Variants in TNFSF8 observed in about 807,000 individuals in gnomAD.
TNFSF8 encodes the protein TNF superfamily member 8, also known as tumor necrosis factor ligand superfamily member 8.
In TNFSF8, 4 loss-of-function variants were observed where a neutral mutation model predicts 22.0. The ratio of observed to expected loss-of-function variants is 0.18; its 90% CI spans 0.09 to 0.42. The LOEUF (loss-of-function observed/expected upper bound fraction) is 0.42, where lower values mean the gene tolerates loss of function less well. Ranked by LOEUF, TNFSF8 falls within the 10% of genes least tolerant of loss-of-function variation. The probability of loss-of-function intolerance (pLI) is 1.00; values close to 1 mark genes in which losing one functional copy is unlikely to be tolerated. For synonymous variants in TNFSF8, 106 were observed against 112.5 expected, an observed-to-expected ratio of 0.94 and a Z score of 0.37; for missense variants, 233 against 281.8, an observed-to-expected ratio of 0.83 and a Z score of 1.24.
intron 1 of TNFSF8, among the ~76,000 whole-genome samples, chr9:114,922,899 C>T (rs1441115413): frequency 1.3e-5 from 2 of 152,068 alleles, no homozygotes; most frequent in African/African-American, 4.8e-5. Context: ...TTTTGATGAG[C>T]ATCCAGGTGA....
intron 2 of TNFSF8, among the ~76,000 whole-genome samples, chr9:114,907,893 C>G (rs757630569): frequency 7.9e-5 from 12 of 152,208 alleles, no homozygotes; most frequent in Non-Finnish European, 1.3e-4. Context: ...CACATTCACA[C>G]AGGTAGTCAG....
At position 114,901,649 on chromosome 9, in the gene TNFSF8, T is replaced by C. The variant is rs944512613; in HGVS notation, c.*2282A>G. 15 of 985,414 alleles carry C rather than the reference T, an allele frequency of 1.5e-5. No individual in the cohort carries two copies. Among genetic ancestry groups the C allele is most frequent in the Non-Finnish European group, 1.8e-5 (15 of 829,914 alleles). The allele number at this position is 985,414 out of a possible 1,614,324, so 61.0% of individuals were successfully genotyped here. On this transcript the variant is annotated 3_prime_UTR_variant, in exon 4 of 4. Coordinates refer to ENST00000223795, the MANE Select transcript of TNFSF8 (RefSeq NM_001244.4). ...GACTCAAATGCCAGCCATTTCCCTGTTTTTTTAGCCTTGAGTCTCAAAGTC... is the reference window on the plus strand; with the variant it reads ...GACTCAAATGCCAGCCATTTCCCTGCTTTTTTAGCCTTGAGTCTCAAAGTC...
intron 3 of TNFSF8, among the ~76,000 whole-genome samples, chr9:114,905,215 T>C (rs1353253589): frequency 4.6e-5 from 7 of 152,202 alleles, no homozygotes; most frequent in Non-Finnish European, 1.0e-4. Flanking sequence ...AACTGCAAAA[T>C]TGAATTTTTA....
At position 114,902,930 on chromosome 9, in the gene TNFSF8, G is replaced by T; in HGVS notation, c.*1001C>A. 1 of 207,960 alleles carries T rather than the reference G, an allele frequency of 4.8e-6. No individual in the cohort carries two copies. 12.9% of individuals were successfully genotyped at this position (207,960 alleles called of 1,614,324 possible). A position where few individuals can be genotyped will look rare whatever the true frequency, so the allele number is the denominator to read the frequency against. ...CCAGAAGCCGGGCTTAGTCACCCTTGATATGGGTTTCTGGTTCTATACCAC... is the reference window on the plus strand; with the variant it reads ...CCAGAAGCCGGGCTTAGTCACCCTTTATATGGGTTTCTGGTTCTATACCAC... On this transcript the variant is annotated 3_prime_UTR_variant, in exon 4 of 4. Coordinates refer to ENST00000223795, the MANE Select transcript of TNFSF8 (RefSeq NM_001244.4).
At chr9:114,922,943 A>G (rs1828007328) in intron 1 of TNFSF8, among the ~76,000 whole-genome samples, 1 of 152,090 alleles carries the variant, frequency 6.6e-6, no homozygotes, top group Admixed American at 6.5e-5. Context: ...CCACACCTTG[A>G]GTAGCAAAGT....
intron 2 of TNFSF8, among the ~76,000 whole-genome samples, chr9:114,910,963 A>G (rs1269555524): frequency 1.3e-5 from 2 of 152,212 alleles, no homozygotes; most frequent in Non-Finnish European, 2.9e-5. Context: ...GAGAATTAAA[A>G]CAATCAACCT....
chr9:114,916,876 G>A (rs1279388274), intron 2 of TNFSF8, among the ~76,000 whole-genome samples: 3 of 152,172 alleles, frequency 2.0e-5, no homozygotes, highest in Non-Finnish European at 4.4e-5. Context: ...GCTTACCCCT[G>A]CATTCTACTA....
Position 114,918,207 on chromosome 9 carries a change from T to G in TNFSF8, c.196-69A>C. 8.3e-6 allele frequency: 12 copies of G among 1,448,162 alleles called. No individual in the cohort carries two copies. The South Asian group carries it at 1.0e-4, about 13-fold the overall frequency. The allele number at this position is 1,448,162 out of a possible 1,614,324, so 89.7% of individuals were successfully genotyped here. A position where few individuals can be genotyped will look rare whatever the true frequency, so the allele number is the denominator to read the frequency against. The stretch of plus-strand genomic sequence containing the variant: ...AGTTGAAACAACTTTTTTTTTTCTT[T>G]TTCATTTTGTTGTCCTTAAAGTACT... On this transcript the variant is annotated intron_variant, in intron 1 of 3. Transcript: ENST00000223795.
chr9:114,894,048 A>G, exon 5 of TNFSF8: 1 of 1,514,342 alleles, frequency 6.6e-7, no homozygotes, highest in East Asian at 2.5e-5. Flanking sequence ...GGGTAGAAGC[A>G]GTTCTTGTCT....
At chr9:114,929,061 C>T (rs1030797417) in intron 1 of TNFSF8, among the ~76,000 whole-genome samples, 4 of 152,144 alleles carry the variant, frequency 2.6e-5, no homozygotes, top group African/African-American at 7.2e-5. Flanking sequence ...TTAAATTACC[C>T]ATTAACAACT....
chr9:114,917,992 G>T, intron 2 of TNFSF8, 104 bp downstream of exon 2: 2 of 1,179,560 alleles, frequency 1.7e-6, no homozygotes, highest in South Asian at 1.6e-5. Context: ...CTTTACTGTT[G>T]GGTCATGTCA....
chr9:114,928,253 C>G (rs1828087736), intron 1 of TNFSF8, among the ~76,000 whole-genome samples: 1 of 152,144 alleles, frequency 6.6e-6, no homozygotes, highest in Non-Finnish European at 1.5e-5. Flanking sequence ...TGCAATGTTT[C>G]TTAGTGCTTC....
Position 114,903,067 on chromosome 9 carries a change from TGA to T in TNFSF8, c.*862_*863del, listed in dbSNP as rs1310622569. The T allele has an allele frequency of 1.3e-5, 2 of 152,268 alleles. No homozygotes were observed. The highest frequency in any genetic ancestry group is 4.8e-5 in the African/African-American group (2 of 41,450). 9.4% of individuals were successfully genotyped at this position (152,268 alleles called of 1,614,324 possible). A position where few individuals can be genotyped will look rare whatever the true frequency, so the allele number is the denominator to read the frequency against. On this transcript the variant is annotated 3_prime_UTR_variant, in exon 4 of 4. Coordinates refer to ENST00000223795, the MANE Select transcript of TNFSF8 (RefSeq NM_001244.4). Reference sequence around the variant, plus strand: ...ACCATTCAGGCATTTGCCAGTGAATTGAGAGTGACCACACCCTATTTCTTTAC... The same window carrying T: ...ACCATTCAGGCATTTGCCAGTGAATTGAGTGACCACACCCTATTTCTTTAC...
intron 2 of TNFSF8, among the ~76,000 whole-genome samples, chr9:114,915,317 A>C (rs1477310438): frequency 6.6e-6 from 1 of 152,132 alleles, no homozygotes; most frequent in African/African-American, 2.4e-5. Flanking sequence ...AAAGGGTCAA[A>C]GCTGGAGAGA....
At chr9:114,910,243 A>T (rs1405071332) in intron 2 of TNFSF8, among the ~76,000 whole-genome samples, 1 of 152,220 alleles carries the variant, frequency 6.6e-6, no homozygotes, top group Non-Finnish European at 1.5e-5. Flanking sequence ...AGATAGAAAG[A>T]GAGGTTGCTC....
Position 114,905,910 on chromosome 9 carries a change from G to A in TNFSF8, c.239-11C>T. 1 of 1,594,556 alleles carries A rather than the reference G, an allele frequency of 6.3e-7. No individual in the cohort carries two copies. Among genetic ancestry groups the A allele is most frequent in the Non-Finnish European group, 8.6e-7 (1 of 1,163,070 alleles). On this transcript the variant is annotated splice_polypyrimidine_tract_variant and intron_variant, in intron 2 of 3. Transcript: ENST00000223795. ...CTTCTGAGCAATTTCCTAAAAATAA[G>A]GAGACGATGCATTAAAATGTCTTTT...
At chr9:114,914,332 C>T (rs1827891098) in intron 2 of TNFSF8, among the ~76,000 whole-genome samples, 1 of 152,204 alleles carries the variant, frequency 6.6e-6, no homozygotes, top group African/African-American at 2.4e-5. Context: ...TCTCTGCATA[C>T]CCCAAATCCT....
chr9:114,929,372 T>A (rs1052172552), intron 1 of TNFSF8, among the ~76,000 whole-genome samples: 1 of 151,756 alleles, frequency 6.6e-6, no homozygotes, highest in Non-Finnish European at 1.5e-5. Context: ...TTTTTTTTTT[T>A]TGTGACGCCC....
At chr9:114,909,463 C>T (rs1233568063) in intron 2 of TNFSF8, among the ~76,000 whole-genome samples, 1 of 152,194 alleles carries the variant, frequency 6.6e-6, no homozygotes, top group African/African-American at 2.4e-5. Context: ...GATTTCTCCT[C>T]TCTGGGCTCT....
Sources: gnomAD v4.1 joint callset for allele counts (sites outside exome capture counted in the v4.1 genomes callset) on GRCh38, gnomAD v4.1.1 for gene constraint, MANE v1.5 for transcripts, NCBI Gene and HGNC (gene_info 2026-07-23, HGNC 2026-07-21) for gene names.